The following ZCCHC7 variants were observed in gnomAD, a reference collection of about 807,000 sequenced individuals.
ZCCHC7 encodes the protein zinc finger CCHC-type containing 7.
ZCCHC7 carries 35 observed loss-of-function variants against 52.0 expected under a neutral mutation model. The observed-to-expected ratio is 0.67, with a 90% CI of 0.51 to 0.89. ZCCHC7 has a LOEUF of 0.89. Ranked by LOEUF, ZCCHC7 falls within the 40% of genes least tolerant of loss-of-function variation. The probability of loss-of-function intolerance (pLI) is 0.00; values close to 1 mark genes in which losing one functional copy is unlikely to be tolerated. For synonymous variants in ZCCHC7, 217 were observed against 221.5 expected, an observed-to-expected ratio of 0.98 and a Z score of 0.18; for missense variants, 574 against 649.1, an observed-to-expected ratio of 0.88 and a Z score of 1.26.
At chr9:37,160,741 C>T (rs1241031311) in intron 2 of ZCCHC7, among the ~76,000 whole-genome samples, 1 of 151,952 alleles carries the variant, frequency 6.6e-6, no homozygotes, top group Non-Finnish European at 1.5e-5. Context: ...CAAAAATTAG[C>T]CGGGTGTAGT....
rs1820842650 is a variant in ZCCHC7 at position 37,344,548 on chromosome 9, C to G, written c.988-4809C>G. ...CATAGGACTCGGTACTACTCGTTCCCCATGCCTTACGCCAAGAGTGGTGTT... is the reference window on the plus strand; with the variant it reads ...CATAGGACTCGGTACTACTCGTTCCGCATGCCTTACGCCAAGAGTGGTGTT... On this transcript the variant is annotated intron_variant, in intron 6 of 8. Transcript: ENST00000336755. Among the ~76,000 whole-genome samples, 4 of 152,102 alleles carry G rather than the reference C, an allele frequency of 2.6e-5. No individual in the cohort carries two copies. In the South Asian group the frequency reaches 8.3e-4, roughly 32 times the overall value.
At chr9:37,341,298 G>C (rs1820623151) in intron 6 of ZCCHC7, among the ~76,000 whole-genome samples, 1 of 152,084 alleles carries the variant, frequency 6.6e-6, no homozygotes, top group Non-Finnish European at 1.5e-5. Flanking sequence ...TTCCCTTAAT[G>C]ACATAAAAAA....
chr9:37,182,285 C>G (rs942527410), intron 2 of ZCCHC7, among the ~76,000 whole-genome samples: 1 of 151,840 alleles, frequency 6.6e-6, no homozygotes, highest in Non-Finnish European at 1.5e-5. Flanking sequence ...GCACATTTAT[C>G]TATTAGCATT....
intron 3 of ZCCHC7, among the ~76,000 whole-genome samples, chr9:37,303,700 G>C (rs1391360965): frequency 1.4e-5 from 1 of 70,070 alleles, no homozygotes; most frequent in Non-Finnish European, 2.5e-5. Context: ...TTTCACTCTT[G>C]TTGCCCAGGC....
chr9:37,355,754 T>G (rs1821661089), intron 8 of ZCCHC7, among the ~76,000 whole-genome samples: 1 of 152,204 alleles, frequency 6.6e-6, no homozygotes, highest in Non-Finnish European at 1.5e-5. Context: ...GAATGGTGTA[T>G]TTTCAATCCT....
chr9:37,209,500 A>G (rs1443145644), intron 2 of ZCCHC7, among the ~76,000 whole-genome samples: 3 of 152,162 alleles, frequency 2.0e-5, no homozygotes, highest in African/African-American at 7.2e-5. Flanking sequence ...CCTCACCTGT[A>G]TAAAATAACA....
chr9:37,279,004 C>T (rs376078490), intron 2 of ZCCHC7, among the ~76,000 whole-genome samples: 1 of 152,086 alleles, frequency 6.6e-6, no homozygotes, highest in African/African-American at 2.4e-5. Context: ...CTGCCTGAAA[C>T]CCTGTCTCTA....
At chr9:37,157,197 GAA>G (rs112401588) in intron 2 of ZCCHC7, among the ~76,000 whole-genome samples, 152 of 133,792 alleles carry the variant, frequency 1.1e-3, no homozygotes, top group South Asian at 2.5e-3. Flanking sequence ...AAACTTAGTT[GAA>G]AAAAAAAAAA....
chr9:37,140,815 T>G (rs960610794), intron 2 of ZCCHC7, among the ~76,000 whole-genome samples: 1 of 152,006 alleles, frequency 6.6e-6, no homozygotes, highest in Admixed American at 6.6e-5. Context: ...TAGGTTAACA[T>G]CAGCAGTGAA....
chr9:37,183,633 T>C (rs1204020618), intron 2 of ZCCHC7, among the ~76,000 whole-genome samples: 1 of 152,210 alleles, frequency 6.6e-6, no homozygotes, highest in East Asian at 1.9e-4. Flanking sequence ...GTTAATTTGC[T>C]TCAGTTTACC....
At chr9:37,217,126 A>G (rs1824548083) in intron 2 of ZCCHC7, among the ~76,000 whole-genome samples, 1 of 152,130 alleles carries the variant, frequency 6.6e-6, no homozygotes, top group Admixed American at 6.5e-5. Context: ...TCTGAAGGTT[A>G]TGTTTTATAG....
chr9:37,185,151 C>T (rs777233321), intron 2 of ZCCHC7, among the ~76,000 whole-genome samples: 1 of 152,158 alleles, frequency 6.6e-6, no homozygotes, highest in African/African-American at 2.4e-5. Flanking sequence ...CCAACAGTCT[C>T]TAGAGGTCGT....
chr9:37,136,407 TTTGTTG>T (rs551231527), intron 2 of ZCCHC7, among the ~76,000 whole-genome samples: 1 of 152,080 alleles, frequency 6.6e-6, no homozygotes, highest in Non-Finnish European at 1.5e-5. Flanking sequence ...TTTGTTGTTG[TTTGTTG>T]TTGTTGTTGT....
chr9:37,158,393 A>G (rs562508118), intron 2 of ZCCHC7, among the ~76,000 whole-genome samples: 11 of 152,312 alleles, frequency 7.2e-5, no homozygotes, highest in South Asian at 2.1e-4. Context: ...GACATACTTG[A>G]TGAGTGAAGC....
intron 2 of ZCCHC7, among the ~76,000 whole-genome samples, chr9:37,128,538 A>G (rs1460117200): frequency 6.6e-6 from 1 of 152,220 alleles, no homozygotes; most frequent in African/African-American, 2.4e-5. Flanking sequence ...AATTGAGAAA[A>G]TGCATATTAG....
intron 5 of ZCCHC7, among the ~76,000 whole-genome samples, chr9:37,320,775 TA>T (rs1193279028): frequency 1.3e-5 from 2 of 152,188 alleles, no homozygotes; most frequent in Non-Finnish European, 2.9e-5. Flanking sequence ...AGCTGGATGC[TA>T]TCAACATCTT....
intron 1 of ZCCHC7, among the ~76,000 whole-genome samples, chr9:37,123,208 T>A (rs1478505360): frequency 7.9e-6 from 1 of 127,006 alleles, no homozygotes; most frequent in Non-Finnish European, 1.9e-5. Context: ...TGTGTGTGTG[T>A]GTGTGTGTGT....
At chr9:37,165,127 G>T (rs904324419) in intron 2 of ZCCHC7, among the ~76,000 whole-genome samples, 1 of 152,124 alleles carries the variant, frequency 6.6e-6, no homozygotes, top group Non-Finnish European at 1.5e-5. Flanking sequence ...AATGATACCA[G>T]TTTAAAATTA....
At chr9:37,305,766 G>T (rs1424620962) in intron 5 of ZCCHC7, 52 bp downstream of exon 5, 1 of 1,593,554 alleles carries the variant, frequency 6.3e-7, no homozygotes, top group Admixed American at 1.7e-5. Flanking sequence ...GAGTGTGCAA[G>T]TTTGTAATTA....
Sources: gnomAD v4.1 joint callset for allele counts (sites outside exome capture counted in the v4.1 genomes callset) on GRCh38, gnomAD v4.1.1 for gene constraint, MANE v1.5 for transcripts, NCBI Gene and HGNC (gene_info 2026-07-23, HGNC 2026-07-21) for gene names.